Variants in LPCAT4 observed in about 807,000 individuals in gnomAD.
LPCAT4 encodes lysophospholipid acyltransferase LPCAT4.
Under a neutral mutation model 66.5 loss-of-function variants are expected in LPCAT4, and 30 were observed. The ratio of observed to expected loss-of-function variants is 0.45; its 90% CI spans 0.34 to 0.61. The LOEUF (loss-of-function observed/expected upper bound fraction) is 0.61. LPCAT4 is among the 20% of genes least tolerant of loss of function. LPCAT4 has a pLI of 0.01. For synonymous variants in LPCAT4, 253 were observed against 262.1 expected (o/e 0.97, Z 0.34); for missense variants, 557 against 656.7 (o/e 0.85, Z 1.66).
At position 34,363,750 on chromosome 15, in the gene LPCAT4, A is replaced by T; in HGVS notation, c.653-31T>A. ...TCCCATTTCCACCCCCACCCCCACAAGGCAGAGGTTAGTACACAGAAGTAG... is the reference window on the plus strand; with the variant it reads ...TCCCATTTCCACCCCCACCCCCACATGGCAGAGGTTAGTACACAGAAGTAG... On this transcript the variant is annotated intron_variant, in intron 5 of 13. Coordinates refer to ENST00000314891, the MANE Select transcript of LPCAT4 (RefSeq NM_153613.3). This position sits in a 1 kb window ranked among gnomAD's most constrained non-coding sequence, Gnocchi z 4.3. 1.2e-6 allele frequency: 2 copies of T among 1,613,604 alleles called. No homozygotes were observed. Among genetic ancestry groups the T allele is most frequent in the Non-Finnish European group, 1.7e-6 (2 of 1,179,612 alleles).
rs1566893248 is a variant in LPCAT4 at position 34,360,143 on chromosome 15, T to G, written c.1210A>C (p.Ser404Arg). ...LALAALDGGRSLEELTRLAFE... is the reference protein window; with the variant it reads ...LALAALDGGRRLEELTRLAFE... ...GCCAGACGAGTTAGCTCTTCCAGGC[T>G]CCTGCCCCCATCCAGAGCTGCTAGT... Residue 404 changes from serine (S) to arginine (R), a missense_variant, in exon 12 of 14, where the codon AGC (serine) becomes CGC (arginine). Physicochemically the swap from Ser to Arg is moderately radical, Grantham distance 110 (BLOSUM62 -1). Around this residue, in one of 4 missense-constraint regions of LPCAT4, gnomAD observed 392 missense variants for 473.9 expected, o/e 0.83. Transcript: ENST00000314891. 6.2e-7 allele frequency: 1 copy of G among 1,608,070 alleles called. No homozygotes were observed. The highest frequency in any genetic ancestry group is 8.5e-7 in the Non-Finnish European group (1 of 1,178,464).
chr15:34,362,139 T>TCTCTCC (rs1890959908), intron 10 of LPCAT4, 57 bp downstream of exon 10: 2 of 1,005,428 alleles, frequency 2.0e-6, no homozygotes. Flanking sequence ...CCCTTCTTAT[T>TCTCTCC]CTCTCTCTCT....
rs1211239236 is a variant in LPCAT4, at chr15:34,359,924, T to C, written c.1243-179A>G. The C allele has an allele frequency of 8.6e-6, 7 of 816,114 alleles. No homozygotes were observed. The African/African-American group carries it at 8.7e-5, about 10-fold the overall frequency. The allele number at this position is 816,114 out of a possible 1,614,324, so 50.6% of individuals were successfully genotyped here. The stretch of plus-strand genomic sequence containing the variant: ...TTATAGCTTTTTCCTTCTTCTTCCT[T>C]CTTCTTGTGCCCAGCTAGGTCTCAA... On this transcript the variant is annotated intron_variant, in intron 12 of 13. Transcript: ENST00000314891.
chr15:34,363,082 T>G lies in LPCAT4; in HGVS notation c.747-246A>C, dbSNP rs564375873. 2.6e-5 allele frequency among the ~76,000 whole-genome samples: 4 copies of G among 152,094 alleles called. No homozygotes were observed. In the South Asian group the frequency reaches 8.3e-4, roughly 32 times the overall value. ...CATGGATATGCCAGAGGAAGAACTG[T>G]AGGCAAGAGGAGGTTTGAGTAATGG... is the stretch of plus-strand genomic sequence containing the variant. On this transcript the variant is annotated intron_variant, in intron 7 of 13. Transcript: ENST00000314891. The surrounding 1 kb of genome is among the most constrained non-coding windows in gnomAD (Gnocchi z 4.3).
chr15:34,365,785 G>A (rs1891063091), intron 1 of LPCAT4, 84 bp from the exon 2 acceptor site: 3 of 1,486,296 alleles, frequency 2.0e-6, no homozygotes, highest in Non-Finnish European at 1.8e-6. Flanking sequence ...CATAGACCCA[G>A]GAGCAGACAG....
Position 34,363,539 on chromosome 15 carries a change from G to T in LPCAT4, c.712-83C>A. The T allele has an allele frequency of 6.3e-7, 1 of 1,596,992 alleles. No homozygotes were observed. The highest frequency in any genetic ancestry group is 8.6e-7 in the Non-Finnish European group (1 of 1,165,084). On this transcript the variant is annotated intron_variant, in intron 6 of 13. Coordinates refer to ENST00000314891, the MANE Select transcript of LPCAT4 (RefSeq NM_153613.3). The surrounding 1 kb of genome is among the most constrained non-coding windows in gnomAD (Gnocchi z 4.3). Reference sequence around the variant, plus strand: ...CCAATCACCTTTGAACAGAGGGCCTGATCCCACCTCTGGTCACAGCCCCCA... The same window carrying T: ...CCAATCACCTTTGAACAGAGGGCCTTATCCCACCTCTGGTCACAGCCCCCA...
intron 10 of LPCAT4, among the ~76,000 whole-genome samples, chr15:34,361,747 T>C (rs1890950435): frequency 6.6e-6 from 1 of 152,210 alleles, no homozygotes; most frequent in Admixed American, 6.5e-5. Context: ...TCACCCAGGC[T>C]GGAGTGCAGT....
Position 34,358,917 on chromosome 15 carries a change from AT to A in LPCAT4, c.*209del, listed in dbSNP as rs573799747. 430 of 217,978 alleles carry A rather than the reference AT, an allele frequency of 2.0e-3. 2 individuals carry two copies. The highest frequency in any genetic ancestry group is 8.7e-3 in the African/African-American group (379 of 43,432). The allele number at this position is 217,978 out of a possible 1,614,324, so 13.5% of individuals were successfully genotyped here. ...GGTAACATCAATATGACTGGACTTC[AT>A]TTTTTTTAATAGATATAGATATAGA... On this transcript the variant is annotated 3_prime_UTR_variant, in exon 14 of 14. Transcript: ENST00000314891.
rs1891018554 is a variant in LPCAT4 at position 34,364,286 on chromosome 15, CTTGGTTGAATCGAAGAAGGGCTGGGG to C, written c.479-6_498del. The stretch of plus-strand genomic sequence containing the variant: ...GGGTCATGCCGGGATACCAGGATGG[CTTGGTTGAATCGAAGAAGGGCTGGGG>C]TTGGGAAGGATACAAAGAGGAATCA... On this transcript the variant is annotated splice_acceptor_variant and splice_polypyrimidine_tract_variant and coding_sequence_variant and intron_variant, in exon 4 of 14. Transcript: ENST00000314891. LOFTEE classifies it high-confidence loss of function. 1 of 1,613,838 alleles carries C rather than the reference CTTGGTTGAATCGAAGAAGGGCTGGGG, an allele frequency of 6.2e-7. No homozygotes were observed.
Position 34,362,273 on chromosome 15 carries a change from A to T in LPCAT4, c.933T>A (p.Pro311=), listed in dbSNP as rs189518551. ...ATECEFVGSL[P]VIVVGRLKVA... ...CCTTCAGCCGGCCCACCACAATCAC[A>T]GGTAAGCTCCCTACAAACTCACATT... Residue 311 remains proline, a synonymous_variant, in exon 10 of 14, where the codon CCT becomes CCA. Coordinates refer to ENST00000314891, the MANE Select transcript of LPCAT4 (RefSeq NM_153613.3). 6.8e-5 allele frequency: 110 copies of T among 1,614,068 alleles called. No individual in the cohort carries two copies. The African/African-American group carries it at 1.3e-3, about 18-fold the overall frequency.
chr15:34,359,082 C>G lies in LPCAT4; in HGVS notation c.*45G>C. Reference sequence around the variant, plus strand: ...AGATGGGGCTGAGGCATAGGGGAGGCCCCTAGCGCTGCCCTGAGGAGGAGG... The same window carrying G: ...AGATGGGGCTGAGGCATAGGGGAGGGCCCTAGCGCTGCCCTGAGGAGGAGG... On this transcript the variant is annotated 3_prime_UTR_variant, in exon 14 of 14. Transcript: ENST00000314891. The G allele has an allele frequency of 6.5e-7, 1 of 1,536,170 alleles. No homozygotes were observed. The highest frequency in any genetic ancestry group is 2.4e-5 in the East Asian group (1 of 42,074).
chr15:34,361,412 G>A lies in LPCAT4; in HGVS notation c.1131C>T (p.Gly377=), dbSNP rs202182531. The change falls in exon 11 of 14, where the codon GGC becomes GGT. Residue 377 remains glycine, a synonymous_variant. Transcript: ENST00000314891. ...SDPQTVAGAF[G]YFQQDTKGLV... ...CCAGCTCCTTTACCTGCTGGAAGTAGCCAAAGGCACCAGCCACCGTCTGAG... is the reference window on the plus strand; with the variant it reads ...CCAGCTCCTTTACCTGCTGGAAGTAACCAAAGGCACCAGCCACCGTCTGAG... 39 of 1,614,166 alleles carry A rather than the reference G, an allele frequency of 2.4e-5. No individual in the cohort carries two copies. The highest frequency in any genetic ancestry group is 3.3e-5 in the Non-Finnish European group (39 of 1,180,038).
chr15:34,362,644 C>A lies in LPCAT4; in HGVS notation c.813G>T (p.Val271=). ...TGCTCTCCTCAGGGCTGGGGTGATACACAGGAAGGAACTGAAACACAGACA... is the reference window on the plus strand; with the variant it reads ...TGCTCTCCTCAGGGCTGGGGTGATAAACAGGAAGGAACTGAAACACAGACA... The part of the protein sequence containing the change: ...CSIVDVEFLP[V]YHPSPEESRD... Residue 271 remains valine, a synonymous_variant, in exon 9 of 14, where the codon GTG becomes GTT. Transcript: ENST00000314891. 6.3e-7 allele frequency: 1 copy of A among 1,597,082 alleles called. No individual in the cohort carries two copies. Among genetic ancestry groups the A allele is most frequent in the South Asian group, 1.1e-5 (1 of 88,110 alleles).
At chr15:34,364,331 G>A (rs1891019688) in intron 3 of LPCAT4, 25 bp from the exon 4 acceptor site, 4 of 1,478,534 alleles carry the variant, frequency 2.7e-6, no homozygotes, top group Middle Eastern at 2.0e-4. Context: ...GATACAAAGA[G>A]GAATCACTTC....
chr15:34,359,231 G>A lies in LPCAT4; in HGVS notation c.1471C>T (p.His491Tyr). 6.3e-7 allele frequency: 1 copy of A among 1,581,250 alleles called. No individual in the cohort carries two copies. The highest frequency in any genetic ancestry group is 2.3e-5 in the East Asian group (1 of 43,536). The change falls in exon 14 of 14, where the codon CAC (histidine) becomes TAC (tyrosine). Residue 491 changes from histidine to tyrosine, a missense_variant. His to Tyr is a moderately conservative substitution (Grantham distance 83). Around this residue, in one of 4 missense-constraint regions of LPCAT4, gnomAD observed 392 missense variants for 473.9 expected, o/e 0.83. Transcript: ENST00000314891. ...KLFSTYLRPP[H>Y]TSRGTSQTPN... ...GTCTGGGAGGTGCCTCGAGAGGTGT[G>A]TGGGGGGCGCAGGTAGGTGCTGAAG...
intron 12 of LPCAT4, 119 bp from the exon 13 acceptor site, chr15:34,359,864 G>A: frequency 9.4e-7 from 1 of 1,064,484 alleles, no homozygotes; most frequent in Non-Finnish European, 1.3e-6. Context: ...AGCCTTCCCT[G>A]ACCCTCCAGT....
At chr15:34,359,776 C>A in intron 12 of LPCAT4, 31 bp from the exon 13 acceptor site, 1 of 1,586,452 alleles carries the variant, frequency 6.3e-7, no homozygotes, top group Non-Finnish European at 8.6e-7. Context: ...GAGTCAAGTT[C>A]TCTCCTCATG....
At chr15:34,365,804 C>T (rs1476723687) in intron 1 of LPCAT4, 103 bp from the exon 2 acceptor site, 2 of 1,376,512 alleles carry the variant, frequency 1.5e-6, no homozygotes, top group Admixed American at 2.2e-5. Flanking sequence ...AGCCATCATC[C>T]CTTGCATGTG....
rs1891007674 is a variant in LPCAT4 at position 34,363,907 on chromosome 15, T to C, written c.652+106A>G. 1.5e-6 allele frequency: 2 copies of C among 1,361,430 alleles called. No homozygotes were observed. The highest frequency in any genetic ancestry group is 2.1e-6 in the Non-Finnish European group (2 of 963,632). The allele number at this position is 1,361,430 out of a possible 1,614,324, so 84.3% of individuals were successfully genotyped here. A position where few individuals can be genotyped will look rare whatever the true frequency, so the allele number is the denominator to read the frequency against. On this transcript the variant is annotated intron_variant, in intron 5 of 13. Coordinates refer to ENST00000314891, the MANE Select transcript of LPCAT4 (RefSeq NM_153613.3). This position sits in a 1 kb window ranked among gnomAD's most constrained non-coding sequence, Gnocchi z 4.3. ...CTAGGAGGTTCCTGGTCTCCCTTCC[T>C]CTCCCATCCCTCCCCCTCTTCTACT... is the stretch of plus-strand genomic sequence containing the variant.
Sources: allele counts gnomAD v4.1 joint callset (sites outside exome capture counted in the v4.1 genomes callset), GRCh38; gene constraint gnomAD v4.1.1; regional missense constraint gnomAD v4.1.1; non-coding constraint Gnocchi (gnomAD v3.1); transcripts MANE v1.5; gene names NCBI Gene and HGNC (gene_info 2026-07-23, HGNC 2026-07-21).